The following POC1A variants were observed in gnomAD, a reference collection of about 807,000 sequenced individuals.
POC1A encodes the protein POC1 centriolar protein homolog A.
In POC1A, 34 loss-of-function variants were observed where a neutral mutation model predicts 47.8. That is an observed-to-expected ratio of 0.71 (90% CI 0.54 to 0.95). The LOEUF is 0.95. Ranked by LOEUF, POC1A falls within the 40% of genes least tolerant of loss-of-function variation. POC1A has a pLI of 0.00. For synonymous variants in POC1A, 177 were observed against 207.6 expected, an observed-to-expected ratio of 0.85 and a Z score of 1.27; for missense variants, 466 against 528.3, an observed-to-expected ratio of 0.88 and a Z score of 1.16.
At chr3:52,142,540 G>A (rs889754080) in intron 6 of POC1A, among the ~76,000 whole-genome samples, 7 of 152,208 alleles carry the variant, frequency 4.6e-5, no homozygotes, top group African/African-American at 1.7e-4. Context: ...ATGGACGGCT[G>A]GATGCAGGCA....
chr3:52,138,177 C>T lies in POC1A; in HGVS notation c.805G>A (p.Gly269Arg), dbSNP rs766249930. The T allele has an allele frequency of 5.0e-6, 8 of 1,614,062 alleles. No individual in the cohort carries two copies. In the Admixed American group the frequency reaches 5.0e-5, roughly 10 times the overall value. Residue 269 changes from glycine (G) to arginine (R), a missense_variant, in exon 7 of 11, where the codon GGG (glycine) becomes AGG (arginine). By Grantham distance (125) the Gly-to-Arg change is moderately radical. Coordinates refer to ENST00000296484, the MANE Select transcript of POC1A (RefSeq NM_015426.5). Reference sequence around the variant, plus strand: ...TGGCCGACACCTCTCACCTGATGCCCGTGGAGTGTGTAGAGCAGCCGGCCC... The same window carrying T: ...TGGCCGACACCTCTCACCTGATGCCTGTGGAGTGTGTAGAGCAGCCGGCCC... ...MEGRLLYTLH[G>R]HQGPATTVAF...
rs566425321 is a variant in POC1A, at chr3:52,149,931, C to A, written c.160G>T (p.Ala54Ser). Residue 54 changes from alanine to serine, a missense_variant, in exon 3 of 11, where the codon GCC (alanine) becomes TCC (serine). Physicochemically the swap from Ala to Ser is moderately conservative, Grantham distance 99 (BLOSUM62 1). Transcript: ENST00000296484. ...MVWHMKPQSR[A>S]YRFTGHKDAV... ...TCCTTGTGGCCAGTGAAGCGGTAGG[C>A]GCGTGACTGCGGCTTCATGTGCCAG... The A allele has an allele frequency of 6.2e-7, 1 of 1,613,826 alleles. No individual in the cohort carries two copies. The highest frequency in any genetic ancestry group is 1.7e-5 in the Admixed American group (1 of 60,034).
At chr3:52,125,217 G>A in intron 7 of POC1A, 36 bp from the exon 8 acceptor site, 1 of 1,510,496 alleles carries the variant, frequency 6.6e-7, no homozygotes, top group Non-Finnish European at 9.2e-7. Context: ...CACATCAAAG[G>A]TCATTCTCCA....
chr3:52,078,503 CTTTTTTTTTTTTT>C (rs531817608), intron 10 of POC1A, among the ~76,000 whole-genome samples: 2 of 113,532 alleles, frequency 1.8e-5, no homozygotes, highest in South Asian at 2.7e-4. Flanking sequence ...ATGGAAATCT[CTTTTTTTTTTTTT>C]TTTTTTTTTT....
In POC1A at chr3:52,103,492, T is replaced by C. The variant is rs182757257; in HGVS notation, c.982-6780A>G. Among the ~76,000 whole-genome samples the C allele has an allele frequency of 5.1e-3, 777 of 152,082 alleles. 6 individuals are homozygous for C. The highest frequency in any genetic ancestry group is 0.018 in the African/African-American group (741 of 41,486). ...AGTGAGTCGAGAATATGCCAACACATTCCAGCCTGGGCAACAAAGCAAGAC... is the reference window on the plus strand; with the variant it reads ...AGTGAGTCGAGAATATGCCAACACACTCCAGCCTGGGCAACAAAGCAAGAC... On this transcript the variant is annotated intron_variant, in intron 9 of 10. Coordinates refer to ENST00000296484, the MANE Select transcript of POC1A (RefSeq NM_015426.5).
chr3:52,138,371 C>A, intron 6 of POC1A, 69 bp from the exon 7 acceptor site: 1 of 1,499,078 alleles, frequency 6.7e-7, no homozygotes, highest in Non-Finnish European at 9.1e-7. Flanking sequence ...CCAAGACGGG[C>A]AATCAGGGCC....
At chr3:52,144,431 G>C (rs1245466191) in intron 6 of POC1A, among the ~76,000 whole-genome samples, 2 of 152,144 alleles carry the variant, frequency 1.3e-5, no homozygotes, top group East Asian at 3.9e-4. Context: ...GGGGTGGGGT[G>C]GGGGAACAGG....
chr3:52,077,258 T>C (rs1486019193), intron 10 of POC1A, among the ~76,000 whole-genome samples: 1 of 152,228 alleles, frequency 6.6e-6, no homozygotes, highest in Non-Finnish European at 1.5e-5. Flanking sequence ...CCAAGAGGTT[T>C]TGCCCCCTTC....
At chr3:52,121,041 C>T (rs1381403810) in intron 9 of POC1A, among the ~76,000 whole-genome samples, 1 of 152,218 alleles carries the variant, frequency 6.6e-6, no homozygotes, top group Non-Finnish European at 1.5e-5. Flanking sequence ...AGGCATCAGC[C>T]TGGTGGGCCC....
rs1185871702 is a variant in POC1A at position 52,149,228 on chromosome 3, T to C, written c.437A>G (p.Asn146Ser). The stretch of plus-strand genomic sequence containing the variant: ...TGCTCACTTGGCACAGCGGACCCAG[T>C]TGATATGCTGGCTCAGGGAGAACAG... ...KFLFSLSQHI[N>S]WVRCAKFSPD... is the part of the protein sequence containing the mutation. The change falls in exon 4 of 11, where the codon AAC (asparagine) becomes AGC (serine). Residue 146 changes from asparagine to serine, a missense_variant. Asn to Ser is a conservative substitution (Grantham distance 46). Coordinates refer to ENST00000296484, the MANE Select transcript of POC1A (RefSeq NM_015426.5). The C allele has an allele frequency of 6.2e-7, 1 of 1,614,114 alleles. No homozygotes were observed. Among genetic ancestry groups the C allele is most frequent in the Non-Finnish European group, 8.5e-7 (1 of 1,180,012 alleles).
At chr3:52,098,419 G>T (rs1702890538) in intron 9 of POC1A, among the ~76,000 whole-genome samples, 2 of 152,216 alleles carry the variant, frequency 1.3e-5, no homozygotes, top group African/African-American at 4.8e-5. Context: ...TGGAAGCACA[G>T]TGGATGCTGC....
intron 6 of POC1A, among the ~76,000 whole-genome samples, chr3:52,142,962 G>A (rs1031216586): frequency 6.6e-6 from 1 of 152,130 alleles, no homozygotes; most frequent in African/African-American, 2.4e-5. Flanking sequence ...AGGGAGCTCA[G>A]ATCAACCTGG....
rs760501081 is a variant in POC1A, at chr3:52,149,805, G to A, written c.275+11C>T. On this transcript the variant is annotated intron_variant, in intron 3 of 10. Transcript: ENST00000296484. ...AGACTCCAACAAGCCTCCTCAAAGT[G>A]TACGACTCACACATTGGGTACCCAG... 1.2e-6 allele frequency: 2 copies of A among 1,611,086 alleles called. No homozygotes were observed. The highest frequency in any genetic ancestry group is 1.7e-6 in the Non-Finnish European group (2 of 1,178,508).
At chr3:52,125,071 G>A (rs949066475) in intron 8 of POC1A, 42 bp downstream of exon 8, 5 of 1,455,546 alleles carry the variant, frequency 3.4e-6, no homozygotes, top group Non-Finnish European at 4.8e-6. Flanking sequence ...AATCAGCTCA[G>A]ATTCCCTTCT....
At chr3:52,127,647 C>A (rs1193065926) in intron 7 of POC1A, among the ~76,000 whole-genome samples, 1 of 151,828 alleles carries the variant, frequency 6.6e-6, no homozygotes, top group Non-Finnish European at 1.5e-5. Flanking sequence ...CCCGTCTCGG[C>A]CTCCCAAAGT....
chr3:52,076,554 G>C (rs1451907691), intron 10 of POC1A, among the ~76,000 whole-genome samples: 1 of 152,222 alleles, frequency 6.6e-6, no homozygotes, highest in African/African-American at 2.4e-5. Flanking sequence ...GCCTGTCCAA[G>C]TCCAACGAAT....
chr3:52,085,894 C>T (rs1702443376), intron 10 of POC1A, among the ~76,000 whole-genome samples: 1 of 152,198 alleles, frequency 6.6e-6, no homozygotes, highest in Non-Finnish European at 1.5e-5. Context: ...GAACATGACT[C>T]CTCTAGCCAT....
At chr3:52,089,319 C>T (rs1429041825) in intron 10 of POC1A, among the ~76,000 whole-genome samples, 1 of 152,100 alleles carries the variant, frequency 6.6e-6, no homozygotes, top group African/African-American at 2.4e-5. Flanking sequence ...GGCAGACAGA[C>T]ATTTCCCCCA....
chr3:52,145,951 A>C lies in POC1A; in HGVS notation c.574T>G (p.Tyr192Asp), dbSNP rs1193799262. ...SYCEHGGFVT[Y>D]VDFHPSGTCI... Reference sequence around the variant, plus strand: ...GTCCCACTGGGGTGGAAGTCCACATAGGTGACAAAGCTGGAAAGACAGGGG... The same window carrying C: ...GTCCCACTGGGGTGGAAGTCCACATCGGTGACAAAGCTGGAAAGACAGGGG... Residue 192 changes from tyrosine (Y) to aspartate (D), a missense_variant, in exon 6 of 11, where the codon TAT (tyrosine) becomes GAT (aspartate). By Grantham distance (160) the Tyr-to-Asp change is radical (BLOSUM62 -3). Coordinates refer to ENST00000296484, the MANE Select transcript of POC1A (RefSeq NM_015426.5). 3 of 1,609,670 alleles carry C rather than the reference A, an allele frequency of 1.9e-6. No individual in the cohort carries two copies. Among genetic ancestry groups the C allele is most frequent in the Non-Finnish European group, 1.7e-6 (2 of 1,176,232 alleles).
Sources: allele counts gnomAD v4.1 joint callset (sites outside exome capture counted in the v4.1 genomes callset), GRCh38; gene constraint gnomAD v4.1.1; transcripts MANE v1.5; gene names NCBI Gene and HGNC (gene_info 2026-07-23, HGNC 2026-07-21).